The following AVEN variants were observed in gnomAD, a reference collection of about 807,000 sequenced individuals.
AVEN encodes the protein apoptosis and caspase activation inhibitor.
In AVEN, 41 loss-of-function variants were observed where a neutral mutation model predicts 38.1. The observed-to-expected ratio is 1.08, with a 90% confidence interval of 0.84 to 1.40. AVEN has a LOEUF of 1.40. Among genes scored for constraint, AVEN ranks in the 40% most tolerant of loss-of-function variants. AVEN has a pLI of 0.00. For synonymous variants in AVEN, 206 were observed against 171.8 expected (o/e 1.20, Z -1.56); for missense variants, 605 against 438.8 (o/e 1.38, Z -3.38).
chr15:34,071,761 A>T (rs538138188), intron 1 of AVEN, among the ~76,000 whole-genome samples: 1 of 152,322 alleles, frequency 6.6e-6, no homozygotes, highest in Admixed American at 6.5e-5. Flanking sequence ...AACAAGTGAT[A>T]CAAATTTAAA....
At chr15:33,952,751 A>T (rs951810727) in intron 2 of AVEN, among the ~76,000 whole-genome samples, 12 of 152,140 alleles carry the variant, frequency 7.9e-5, no homozygotes, top group African/African-American at 2.9e-4. Context: ...CCAATCAACC[A>T]ATAAGTATGT....
At position 33,904,704 on chromosome 15, in the gene AVEN, T is replaced by C. The variant is rs1435062556; in HGVS notation, c.446-28709A>G. On this transcript the variant is annotated intron_variant, in intron 2 of 5. Coordinates refer to ENST00000306730, the MANE Select transcript of AVEN (RefSeq NM_020371.3). ...CTTTAAAAAAAAAAAAATATATATA[T>C]ATATATATATATACACACACACACG... Among the ~76,000 whole-genome samples, 12 of 47,062 alleles carry C rather than the reference T, an allele frequency of 2.5e-4. No homozygotes were observed. In the East Asian group the frequency reaches 5.6e-3, roughly 22 times the overall value. 30.9% of individuals were successfully genotyped at this position (47,062 alleles called of 152,430 possible).
At position 33,965,872 on chromosome 15, in the gene AVEN, C is replaced by T. The variant is rs189030319; in HGVS notation, c.445+37160G>A. ...ACAATACAGTTCATGTAGACAACTC[C>T]TTGCTTCAAAGCAGAAAGTTCATCC... On this transcript the variant is annotated intron_variant, in intron 2 of 5. Coordinates refer to ENST00000306730, the MANE Select transcript of AVEN (RefSeq NM_020371.3). Among the ~76,000 whole-genome samples, 16 of 152,162 alleles carry T rather than the reference C, an allele frequency of 1.1e-4. No homozygotes were observed. The East Asian group carries it at 2.9e-3, about 28-fold the overall frequency.
At chr15:33,992,424 A>AATATTCAAT (rs1274739532) in intron 2 of AVEN, among the ~76,000 whole-genome samples, 3 of 152,080 alleles carry the variant, frequency 2.0e-5, no homozygotes, top group Non-Finnish European at 4.4e-5. Context: ...AATTAGGCCC[A>AATATTCAAT]ATATTCAATA....
intron 1 of AVEN, among the ~76,000 whole-genome samples, chr15:34,037,287 C>G (rs140472431): frequency 1.3e-5 from 2 of 151,930 alleles, no homozygotes; most frequent in African/African-American, 4.8e-5. Context: ...TCTTAAAGCA[C>G]GATCCCTGCA....
Position 33,867,715 on chromosome 15 carries a change from G to C in AVEN, c.753C>G (p.Cys251Trp). 1 of 1,614,070 alleles carries C rather than the reference G, an allele frequency of 6.2e-7. No homozygotes were observed. Among genetic ancestry groups the C allele is most frequent in the East Asian group, 2.2e-5 (1 of 44,868 alleles). Residue 251 changes from cysteine (C) to tryptophan (W), a missense_variant, in exon 5 of 6, where the codon TGC (cysteine) becomes TGG (tryptophan). Cys to Trp is a radical substitution (Grantham distance 215, BLOSUM62 -2). Transcript: ENST00000306730. The part of the protein sequence containing the change: ...IFELKSVAAG[C>W]PVLLGKDNPS... The stretch of plus-strand genomic sequence containing the variant: ...GGTTGTCTTTGCCCAGCAACACAGG[G>C]CAGCCAGCAGCCACAGATTTCAGCT...
chr15:34,063,368 C>T lies in AVEN; in HGVS notation n.1191G>A. 6.2e-7 allele frequency: 1 copy of T among 1,614,118 alleles called. No homozygotes were observed. Among genetic ancestry groups the T allele is most frequent in the Non-Finnish European group, 8.5e-7 (1 of 1,180,036 alleles). ...TGACCATCCTCTACTGTCGAATCTA[C>T]CGGGAAACAGAGAAGCGAACCAAGG... On this transcript the variant is annotated non_coding_transcript_exon_variant, in exon 5 of 12. Coordinates refer to the AVEN transcript ENST00000675287. This position sits in a 1 kb window ranked among gnomAD's most constrained non-coding sequence, Gnocchi z 4.1.
At chr15:33,924,794 CAAGGACCCAT>C (rs1322848091) in intron 2 of AVEN, among the ~76,000 whole-genome samples, 1 of 152,088 alleles carries the variant, frequency 6.6e-6, no homozygotes, top group Non-Finnish European at 1.5e-5. Context: ...TCATTATTAT[CAAGGACCCAT>C]AATTGCTGGC....
At chr15:33,921,765 C>A (rs1389125132) in intron 2 of AVEN, among the ~76,000 whole-genome samples, 1 of 152,136 alleles carries the variant, frequency 6.6e-6, no homozygotes, top group African/African-American at 2.4e-5. Context: ...GTAAGCACAT[C>A]CACAAATCTC....
chr15:34,044,428 C>T (rs1372496716), intron 5 of AVEN, among the ~76,000 whole-genome samples: 1 of 152,230 alleles, frequency 6.6e-6, no homozygotes, highest in East Asian at 1.9e-4. Flanking sequence ...GAACAATACA[C>T]TACCCTTAGG....
At chr15:34,048,037 T>TTG (rs1337362496) in intron 5 of AVEN, among the ~76,000 whole-genome samples, 5 of 77,120 alleles carry the variant, frequency 6.5e-5, no homozygotes, top group Non-Finnish European at 1.0e-4. Flanking sequence ...GTGTGTGTGT[T>TTG]TGTGTGTGTG....
chr15:33,939,969 T>C (rs572894236), intron 2 of AVEN, among the ~76,000 whole-genome samples: 58 of 152,346 alleles, frequency 3.8e-4, no homozygotes, highest in African/African-American at 1.1e-3. Context: ...TATATTTACA[T>C]TCCTTCTACT....
intron 2 of AVEN, among the ~76,000 whole-genome samples, chr15:33,964,978 C>A (rs965097316): frequency 6.6e-6 from 1 of 152,118 alleles, no homozygotes; most frequent in African/African-American, 2.4e-5. Flanking sequence ...GGGTTCATAC[C>A]ACAGTTCAAC....
intron 2 of AVEN, among the ~76,000 whole-genome samples, chr15:33,918,929 T>TTG (rs1893278030): frequency 6.6e-6 from 1 of 151,030 alleles, no homozygotes. Flanking sequence ...TTTCTGTTTT[T>TTG]TTTTTTTTTG....
intron 2 of AVEN, among the ~76,000 whole-genome samples, chr15:33,996,494 G>T (rs890128580): frequency 2.6e-5 from 4 of 152,198 alleles, no homozygotes; most frequent in Non-Finnish European, 5.9e-5. Flanking sequence ...GGAAGGATCA[G>T]GCAGCAACAT....
intron 2 of AVEN, among the ~76,000 whole-genome samples, chr15:33,894,219 G>C (rs923499974): frequency 1.3e-4 from 20 of 151,918 alleles, no homozygotes; most frequent in African/African-American, 4.1e-4. Context: ...TAAAGTTCTG[G>C]GATTAAAGGT....
At chr15:33,985,911 T>C (rs866765395) in intron 2 of AVEN, among the ~76,000 whole-genome samples, 7 of 152,304 alleles carry the variant, frequency 4.6e-5, no homozygotes, top group South Asian at 4.2e-4. Flanking sequence ...GAAAGGTTCA[T>C]GATTCTCTCA....
intron 1 of AVEN, among the ~76,000 whole-genome samples, chr15:34,027,594 T>C (rs1401429700): frequency 6.6e-6 from 1 of 151,526 alleles, no homozygotes. Flanking sequence ...CCAGCATCCT[T>C]GGATCCACTA....
intron 5 of AVEN, among the ~76,000 whole-genome samples, chr15:34,045,326 T>C (rs1480086507): frequency 2.0e-5 from 3 of 152,204 alleles, no homozygotes; most frequent in Non-Finnish European, 4.4e-5. Flanking sequence ...AAGAGGTCAT[T>C]TCTTAATCAC....
Sources: gnomAD v4.1 joint callset for allele counts (sites outside exome capture counted in the v4.1 genomes callset) on GRCh38, gnomAD v4.1.1 for gene constraint, Gnocchi (gnomAD v3.1) non-coding constraint, MANE v1.5 for transcripts, NCBI Gene and HGNC (gene_info 2026-07-23, HGNC 2026-07-21) for gene names.